Variants in SOCS7 observed in about 807,000 individuals in gnomAD.
SOCS7 encodes NAP-4.
SOCS7 carries 18 observed loss-of-function variants against 58.9 expected under a neutral mutation model. That is an observed-to-expected ratio of 0.31 (90% CI 0.21 to 0.45). SOCS7 has a LOEUF of 0.45. Ranked by LOEUF, SOCS7 falls within the 20% of genes least tolerant of loss-of-function variation. The pLI, the probability that SOCS7 is intolerant of heterozygous loss-of-function variation, is 1.00. For missense variants in SOCS7, 667 were observed against 837.3 expected (o/e 0.80, Z 2.51); for synonymous variants, 388 against 364.3 (o/e 1.06, Z -0.74).
intron 3 of SOCS7, 48 bp from the exon 4 acceptor site, chr17:38,365,260 A>C: frequency 6.9e-7 from 1 of 1,442,942 alleles, no homozygotes; most frequent in South Asian, 1.2e-5. Context: ...CAGCGTGCTC[A>C]TTCTGTGCTC....
At chr17:38,397,775 A>T (rs1358191318) in intron 9 of SOCS7, among the ~76,000 whole-genome samples, 1 of 152,220 alleles carries the variant, frequency 6.6e-6, no homozygotes, top group Admixed American at 6.5e-5. Flanking sequence ...AGCAAACATG[A>T]ACATAAATGA....
At chr17:38,370,637 C>T (rs553012942) in intron 6 of SOCS7, among the ~76,000 whole-genome samples, 21 of 151,402 alleles carry the variant, frequency 1.4e-4, no homozygotes, top group Admixed American at 4.0e-4. Context: ...CACTGTACCT[C>T]GCCTATAACC....
At chr17:38,392,007 G>A (rs2038178589) in intron 7 of SOCS7, among the ~76,000 whole-genome samples, 2 of 152,170 alleles carry the variant, frequency 1.3e-5, no homozygotes, top group Admixed American at 1.3e-4. Flanking sequence ...AGGACCTCTG[G>A]CATGAGGACT....
intron 7 of SOCS7, among the ~76,000 whole-genome samples, chr17:38,387,357 G>T (rs2038087688): frequency 1.4e-5 from 2 of 145,494 alleles, no homozygotes; most frequent in African/African-American, 5.1e-5. Context: ...TGGGGCAGGA[G>T]AATCACTTGA....
rs1440355877 is a variant in SOCS7, at chr17:38,352,787, G to GCAA, written c.737_738insACA (p.Gln251dup). ...GGCGCCTGAGTAGAGGGGAGCAGCA[G>GCAA]CAGCAGCAGCAGCAGCAACCTCCCC... On this transcript the variant is annotated inframe_insertion, in exon 1 of 10. Coordinates refer to ENST00000612932, the MANE Select transcript of SOCS7 (RefSeq NM_014598.4). This position sits in a 1 kb window ranked among gnomAD's most constrained non-coding sequence, Gnocchi z 5.5. The GCAA allele has an allele frequency of 5.8e-6, 9 of 1,550,674 alleles. No homozygotes were observed. In the African/African-American group the frequency reaches 9.6e-5, roughly 17 times the overall value.
Position 38,353,003 on chromosome 17 carries a change from C to A in SOCS7, c.951C>A (p.Gly317=). The stretch of plus-strand genomic sequence containing the variant: ...CTGCGAGCCTGACAGACATGGGAGG[C>A]TCTGCGGGCCGGGAGCTGGACGCGG... The part of the protein sequence containing the change: ...ASAASLTDMG[G]SAGRELDAGR... Residue 317 remains glycine (G), a synonymous_variant, in exon 1 of 10, where the codon GGC becomes GGA. Transcript: ENST00000612932. The A allele has an allele frequency of 6.3e-7, 1 of 1,597,026 alleles. No individual in the cohort carries two copies. Among genetic ancestry groups the A allele is most frequent in the Non-Finnish European group, 8.5e-7 (1 of 1,172,392 alleles).
intron 6 of SOCS7, among the ~76,000 whole-genome samples, chr17:38,368,852 A>G (rs944521576): frequency 2.0e-5 from 3 of 152,034 alleles, no homozygotes; most frequent in African/African-American, 7.2e-5. Context: ...CTTTTTGTCA[A>G]TGTTGTAGTC....
chr17:38,371,340 T>A (rs948535399), intron 6 of SOCS7, among the ~76,000 whole-genome samples: 1 of 151,852 alleles, frequency 6.6e-6, no homozygotes, highest in Non-Finnish European at 1.5e-5. Context: ...AGTGGCGCGA[T>A]CTCAGCTCAC....
chr17:38,366,076 C>G, intron 4 of SOCS7: 3 of 1,249,460 alleles, frequency 2.4e-6, no homozygotes, highest in Non-Finnish European at 2.1e-6. Context: ...GGTCAAGTGC[C>G]CCCACCCATC....
intron 7 of SOCS7, among the ~76,000 whole-genome samples, chr17:38,381,684 C>G (rs1049765637): frequency 1.1e-4 from 16 of 152,092 alleles, no homozygotes; most frequent in Admixed American, 8.5e-4. Flanking sequence ...TGGTATCAGG[C>G]TTGGCGCAGT....
At chr17:38,384,677 C>A (rs1342597640) in intron 7 of SOCS7, among the ~76,000 whole-genome samples, 1 of 152,000 alleles carries the variant, frequency 6.6e-6, no homozygotes, top group Non-Finnish European at 1.5e-5. Context: ...CTGCCACCAT[C>A]CACATCCCGG....
At chr17:38,366,066 G>A (rs2037784834) in intron 4 of SOCS7, 1 of 1,281,024 alleles carries the variant, frequency 7.8e-7, no homozygotes, top group East Asian at 3.1e-5. Context: ...CCTTTCTTGG[G>A]GTCAAGTGCC....
intron 6 of SOCS7, among the ~76,000 whole-genome samples, chr17:38,372,780 A>G (rs1427218339): frequency 3.9e-5 from 6 of 152,216 alleles, no homozygotes; most frequent in African/African-American, 1.4e-4. Context: ...CACCATTTCA[A>G]GATAAGTGAA....
intron 9 of SOCS7, among the ~76,000 whole-genome samples, chr17:38,399,087 C>CAAAA (rs1212485683): frequency 5.0e-5 from 3 of 59,460 alleles, no homozygotes; most frequent in East Asian, 5.4e-4. Flanking sequence ...GACTCCGTCT[C>CAAAA]AAAAAAAAAA....
rs190919838 is a variant in SOCS7 at position 38,405,040 on chromosome 17, C to G, written c.*5558C>G. On this transcript the variant is annotated 3_prime_UTR_variant, in exon 10 of 10. Transcript: ENST00000612932. The stretch of plus-strand genomic sequence containing the variant: ...ACCACTTCTGTCTCCGTTAGCCCCC[C>G]CTCTGCCCTCCTCCAAGCCAAAGCG... 18 of 152,318 alleles carry G rather than the reference C, an allele frequency of 1.2e-4. 1 individual carries two copies. In the East Asian group the frequency reaches 2.1e-3, roughly 18 times the overall value. 9.4% of individuals were successfully genotyped at this position (152,318 alleles called of 1,614,324 possible).
chr17:38,368,444 C>G (rs990497113), intron 6 of SOCS7, among the ~76,000 whole-genome samples: 3 of 151,968 alleles, frequency 2.0e-5, no homozygotes, highest in Non-Finnish European at 4.4e-5. Flanking sequence ...TTTGTTAAAT[C>G]ACGTATACAA....
intron 6 of SOCS7, among the ~76,000 whole-genome samples, chr17:38,374,531 C>T (rs1597697009): frequency 6.6e-6 from 1 of 152,282 alleles, no homozygotes; most frequent in East Asian, 1.9e-4. Flanking sequence ...TGAAAGCCAT[C>T]AAGCCCAAAA....
chr17:38,374,674 A>G (rs1282686646), intron 6 of SOCS7, among the ~76,000 whole-genome samples: 4 of 152,236 alleles, frequency 2.6e-5, no homozygotes, highest in African/African-American at 9.6e-5. Flanking sequence ...GGATTTCAAG[A>G]TAGGGATCTT....
At chr17:38,390,007 C>T (rs969092161) in intron 7 of SOCS7, among the ~76,000 whole-genome samples, 8 of 144,716 alleles carry the variant, frequency 5.5e-5, no homozygotes, top group South Asian at 2.3e-4. Context: ...CTGCAACCTC[C>T]GCCTCCTGGC....
Sources: allele counts gnomAD v4.1 joint callset (sites outside exome capture counted in the v4.1 genomes callset), GRCh38; gene constraint gnomAD v4.1.1; non-coding constraint Gnocchi (gnomAD v3.1); transcripts MANE v1.5; gene names NCBI Gene and HGNC (gene_info 2026-07-23, HGNC 2026-07-21).